Variants in OSBP2 observed in about 807,000 individuals in gnomAD.
The protein encoded by OSBP2 is oxysterol binding protein 2.
A neutral mutation model predicts 96.0 loss-of-function variants in OSBP2; 66 were observed. That is an observed-to-expected ratio of 0.69 (90% CI 0.56 to 0.84). OSBP2 has a LOEUF of 0.84. OSBP2 is among the 40% of genes least tolerant of loss of function. OSBP2 has a pLI of 0.00. For missense variants in OSBP2, 1,038 were observed against 1,222.7 expected (o/e 0.85, Z 2.25); for synonymous variants, 525 against 520.9 (o/e 1.01, Z -0.11).
intron 2 of OSBP2, among the ~76,000 whole-genome samples, chr22:30,747,271 T>C (rs1233633423): frequency 5.9e-5 from 9 of 152,102 alleles, no homozygotes; most frequent in Admixed American, 1.3e-4. Context: ...GATGAGAATA[T>C]TATGTAACTA....
chr22:30,764,297 GA>G, intron 2 of OSBP2: 2 of 966,290 alleles, frequency 2.1e-6, no homozygotes, highest in Non-Finnish European at 2.5e-6. Context: ...CGGGGATGAG[GA>G]GGGGGTTGGG....
At chr22:30,836,138 T>C (rs1245974267) in intron 2 of OSBP2, among the ~76,000 whole-genome samples, 1 of 152,186 alleles carries the variant, frequency 6.6e-6, no homozygotes, top group Admixed American at 6.5e-5. Flanking sequence ...CTACATATGC[T>C]TGGGTCTGTT....
intron 3 of OSBP2, chr22:30,872,306 C>T (rs1346198441): frequency 2.2e-6 from 1 of 456,660 alleles, no homozygotes; most frequent in Non-Finnish European, 4.4e-6. Flanking sequence ...CTGTCCCTCC[C>T]AGAAGCCACT....
chr22:30,781,626 G>T (rs2090520424), intron 2 of OSBP2, among the ~76,000 whole-genome samples: 1 of 152,228 alleles, frequency 6.6e-6, no homozygotes, highest in Admixed American at 6.5e-5. Flanking sequence ...ACTCAAATGG[G>T]CTGACCAGGG....
At chr22:30,746,108 A>T (rs958807469) in intron 2 of OSBP2, among the ~76,000 whole-genome samples, 1 of 152,148 alleles carries the variant, frequency 6.6e-6, no homozygotes, top group Non-Finnish European at 1.5e-5. Flanking sequence ...AATTGGGTGA[A>T]TTCTACCAAA....
chr22:30,749,069 T>C (rs920560703), intron 2 of OSBP2, among the ~76,000 whole-genome samples: 3 of 152,144 alleles, frequency 2.0e-5, no homozygotes, highest in Admixed American at 6.5e-5. Context: ...TGAGCCGAGA[T>C]TGTGTCACTG....
intron 4 of OSBP2, 126 bp from the exon 5 acceptor site, chr22:30,888,097 C>G (rs900000429): frequency 5.7e-6 from 4 of 702,258 alleles, no homozygotes; most frequent in Non-Finnish European, 1.0e-5. Flanking sequence ...CAGGGCTGCC[C>G]AGGTGACTGA....
intron 2 of OSBP2, among the ~76,000 whole-genome samples, chr22:30,784,867 G>A (rs1211342562): frequency 6.6e-6 from 1 of 151,616 alleles, no homozygotes; most frequent in Admixed American, 6.6e-5. Flanking sequence ...CCACCTCTCA[G>A]GTTCAAGCGA....
At chr22:30,866,464 G>A (rs1185620248) in intron 2 of OSBP2, among the ~76,000 whole-genome samples, 4 of 152,214 alleles carry the variant, frequency 2.6e-5, no homozygotes, top group Non-Finnish European at 5.9e-5. Flanking sequence ...TCTGGGCCAG[G>A]CGCGGTGGCT....
At chr22:30,816,186 G>T (rs1602305740) in intron 2 of OSBP2, among the ~76,000 whole-genome samples, 1 of 151,962 alleles carries the variant, frequency 6.6e-6, no homozygotes, top group African/African-American at 2.4e-5. Context: ...TGCTTTAATT[G>T]GTGTTGCTTT....
At chr22:30,869,278 G>C (rs922700738) in intron 2 of OSBP2, among the ~76,000 whole-genome samples, 1 of 152,244 alleles carries the variant, frequency 6.6e-6, no homozygotes, top group South Asian at 2.1e-4. Context: ...GGAAGGAAGA[G>C]GGTGGCCAGC....
chr22:30,891,140 C>T (rs551027048), intron 8 of OSBP2, among the ~76,000 whole-genome samples, 167 bp downstream of exon 8: 1 of 152,328 alleles, frequency 6.6e-6, no homozygotes, highest in African/African-American at 2.4e-5. Flanking sequence ...CCTTCCATGG[C>T]AGGGGCAGGC....
chr22:30,843,787 G>A lies in OSBP2; in HGVS notation c.854-26642G>A, dbSNP rs192206190. 1.5e-3 allele frequency among the ~76,000 whole-genome samples: 228 copies of A among 152,240 alleles called. 1 individual carries two copies. Among genetic ancestry groups the A allele is most frequent in the African/African-American group, 5.0e-3 (208 of 41,554 alleles). ...GAAGGCTGAGGTGGGAGGATCAGTTGAGCCCAGGAGTTGGAGGTTGCAGTG... is the reference window on the plus strand; with the variant it reads ...GAAGGCTGAGGTGGGAGGATCAGTTAAGCCCAGGAGTTGGAGGTTGCAGTG... On this transcript the variant is annotated intron_variant, in intron 2 of 13. Coordinates refer to ENST00000332585, the MANE Select transcript of OSBP2 (RefSeq NM_030758.4).
At position 30,900,368 on chromosome 22, in the gene OSBP2, G is replaced by T. The variant is rs76174847; in HGVS notation, c.2376-5469G>T. Among the ~76,000 whole-genome samples, 1,247 of 151,856 alleles carry T rather than the reference G, an allele frequency of 8.2e-3. 17 individuals are homozygous for T. Among genetic ancestry groups the T allele is most frequent in the African/African-American group, 0.029 (1,202 of 41,378 alleles). On this transcript the variant is annotated intron_variant, in intron 12 of 13. Transcript: ENST00000332585. Reference sequence around the variant, plus strand: ...AGCTTTAATAAGAGATACCAAAGAAGAGCTAAATAAATGGAGAAAGATATA... The same window carrying T: ...AGCTTTAATAAGAGATACCAAAGAATAGCTAAATAAATGGAGAAAGATATA...
At chr22:30,905,708 G>T (rs938445691) in intron 12 of OSBP2, 129 bp from the exon 13 acceptor site, 5 of 1,391,536 alleles carry the variant, frequency 3.6e-6, no homozygotes, top group African/African-American at 2.9e-5. Context: ...GCCAGAGGGA[G>T]TCCTGGACGC....
At position 30,695,128 on chromosome 22, in the gene OSBP2, T is replaced by A. The variant is rs913019811; in HGVS notation, c.219T>A (p.Val73=). The A allele has an allele frequency of 4.4e-6, 7 of 1,599,206 alleles. No individual in the cohort carries two copies. The highest frequency in any genetic ancestry group is 6.0e-6 in the Non-Finnish European group (7 of 1,171,578). Residue 73 remains valine, a synonymous_variant, in exon 1 of 14, where the codon GTT becomes GTA. Transcript: ENST00000332585. ...GPLSEQVSEA[V]SEAVPRSEPV... ...TGTCAGAACAGGTGTCGGAGGCAGT[T>A]TCGGAGGCAGTGCCAAGATCGGAAC...
chr22:30,903,093 G>T (rs545640852), intron 12 of OSBP2, among the ~76,000 whole-genome samples: 2 of 152,270 alleles, frequency 1.3e-5, no homozygotes, highest in Non-Finnish European at 2.9e-5. Flanking sequence ...AGGATCGGAG[G>T]TGGCCATGTG....
intron 9 of OSBP2, 87 bp from the exon 10 acceptor site, chr22:30,893,376 C>G: frequency 6.5e-7 from 1 of 1,539,926 alleles, no homozygotes; most frequent in Non-Finnish European, 9.0e-7. Flanking sequence ...ACCCCCCAGC[C>G]TAGTTCTCAA....
chr22:30,886,741 AT>A (rs2039818480), intron 3 of OSBP2, among the ~76,000 whole-genome samples: 1 of 152,224 alleles, frequency 6.6e-6, no homozygotes, highest in African/African-American at 2.4e-5. Flanking sequence ...TTTTTAGGGC[AT>A]GACTCCCCAG....
Sources: allele counts gnomAD v4.1 joint callset (sites outside exome capture counted in the v4.1 genomes callset), GRCh38; gene constraint gnomAD v4.1.1; transcripts MANE v1.5; gene names NCBI Gene and HGNC (gene_info 2026-07-23, HGNC 2026-07-21).